LRRC61: variants seen among roughly 807,000 people sequenced by gnomAD.
LRRC61 encodes leucine-rich repeat-containing protein 61.
In LRRC61, 9 loss-of-function variants were observed where a neutral mutation model predicts 15.1. The ratio of observed to expected loss-of-function variants is 0.60; its 90% CI spans 0.36 to 1.04. LRRC61 has a LOEUF of 1.04. LRRC61 is among the 50% of genes least tolerant of loss of function. The probability of loss-of-function intolerance (pLI) is 0.01; values close to 1 mark genes in which losing one functional copy is unlikely to be tolerated. For missense variants in LRRC61, 344 were observed against 335.6 expected (o/e 1.03, Z -0.20); for synonymous variants, 173 against 158.6 (o/e 1.09, Z -0.68).
chr7:150,323,609 G>A (rs1797801763), intron 1 of LRRC61, 49 bp downstream of exon 1: 1 of 453,388 alleles, frequency 2.2e-6, no homozygotes, highest in Non-Finnish European at 4.4e-6. Flanking sequence ...GCGGCTGTCG[G>A]GGCCCGTGCC....
intron 1 of LRRC61, among the ~76,000 whole-genome samples, chr7:150,324,890 C>T (rs1028891105): frequency 4.6e-5 from 7 of 152,278 alleles, no homozygotes; most frequent in African/African-American, 1.7e-4. Flanking sequence ...CCTTTGACCC[C>T]GCTGACCACT....
At chr7:150,319,472 G>T (rs1324068872), upstream of LRRC61, among the ~76,000 whole-genome samples, 1 of 152,200 alleles carries the variant, frequency 6.6e-6, no homozygotes, top group East Asian at 1.9e-4. Flanking sequence ...CTCCCAAAGT[G>T]CTGGGATTAT....
At chr7:150,323,985 A>G (rs2129618023) in intron 1 of LRRC61, among the ~76,000 whole-genome samples, 1 of 152,336 alleles carries the variant, frequency 6.6e-6, no homozygotes, top group African/African-American at 2.4e-5. Flanking sequence ...TTTTTTGCAC[A>G]GTATGAAACC....
rs1453396345 is a variant in LRRC61, at chr7:150,330,858, C to A, written c.-145+4848C>A. On this transcript the variant is annotated intron_variant, in intron 2 of 2. Coordinates refer to ENST00000359623, the MANE Select transcript of LRRC61 (RefSeq NM_001142928.2). This position sits in a 1 kb window ranked among gnomAD's most constrained non-coding sequence, Gnocchi z 4.6. ...GGGGAGAAGCCAGGGGGAGCCTCTGCAGAGCAGCAGCCACTCTGGGGCCTT... is the reference window on the plus strand; with the variant it reads ...GGGGAGAAGCCAGGGGGAGCCTCTGAAGAGCAGCAGCCACTCTGGGGCCTT... 6.2e-7 allele frequency: 1 copy of A among 1,608,928 alleles called. No individual in the cohort carries two copies. The highest frequency in any genetic ancestry group is 1.1e-5 in the South Asian group (1 of 90,958).
the LRRC61 span, among the ~76,000 whole-genome samples, chr7:150,315,075 A>C: frequency 2.7e-4 from 40 of 147,150 alleles, no homozygotes; most frequent in African/African-American, 9.6e-4. Context: ...TAAATAAGAA[A>C]ATATTTATTA....
chr7:150,325,345 A>G (rs1476597143), intron 1 of LRRC61, among the ~76,000 whole-genome samples: 6 of 152,288 alleles, frequency 3.9e-5, no homozygotes, highest in African/African-American at 1.2e-4. Context: ...TGCTGCCCAC[A>G]TGATCGACTA....
chr7:150,314,861 C>T, the LRRC61 span, among the ~76,000 whole-genome samples: 6 of 149,678 alleles, frequency 4.0e-5, no homozygotes, highest in South Asian at 2.1e-4. Context: ...CGGAGGCGAG[C>T]GGCTCACTTG....
At chr7:150,318,873 A>T (rs1797203375), upstream of LRRC61, among the ~76,000 whole-genome samples, 1 of 152,208 alleles carries the variant, frequency 6.6e-6, no homozygotes, top group South Asian at 2.1e-4. Flanking sequence ...AAACCATGTG[A>T]TTCTCATGCA....
At chr7:150,329,478 C>G (rs11765692) in intron 2 of LRRC61, among the ~76,000 whole-genome samples, 1 of 151,942 alleles carries the variant, frequency 6.6e-6, no homozygotes, top group Non-Finnish European at 1.5e-5. Flanking sequence ...AGGTCTGCAG[C>G]GGTCCCCCAG....
Position 150,337,733 on chromosome 7 carries a change from T to A in LRRC61, c.*92T>A. 1 of 1,327,458 alleles carries A rather than the reference T, an allele frequency of 7.5e-7. No individual in the cohort carries two copies. The highest frequency in any genetic ancestry group is 2.5e-5 in the East Asian group (1 of 40,226). 82.2% of individuals were successfully genotyped at this position (1,327,458 alleles called of 1,614,324 possible). A position where few individuals can be genotyped will look rare whatever the true frequency, so the allele number is the denominator to read the frequency against. On this transcript the variant is annotated 3_prime_UTR_variant, in exon 3 of 3. Transcript: ENST00000359623. ...CACACTCGTCTTAGTTGCTTCACAC[T>A]GGTCACTGGCCCTGCACACTGGGCT...
rs201577501 is a variant in LRRC61 at position 150,338,007 on chromosome 7, CTGAG to C, written c.*369_*372del. On this transcript the variant is annotated 3_prime_UTR_variant, in exon 3 of 3. Transcript: ENST00000359623. ...CAGCTGTTGGGAGACAGTAGGCAGG[CTGAG>C]TGGCCCAGAGCACTCCTGGAAGTGG... 3.7e-3 allele frequency: 1,509 copies of C among 410,572 alleles called. 16 individuals are homozygous for C. The highest frequency in any genetic ancestry group is 0.029 in the African/African-American group (1,386 of 48,486). 25.4% of individuals were successfully genotyped at this position (410,572 alleles called of 1,614,324 possible).
the LRRC61 span, among the ~76,000 whole-genome samples, chr7:150,315,976 T>A: frequency 6.6e-6 from 1 of 152,218 alleles, no homozygotes; most frequent in Non-Finnish European, 1.5e-5. Flanking sequence ...GGCGGGTGGA[T>A]CACCTGAGGT....
At chr7:150,332,675 G>A (rs1263030698) in intron 2 of LRRC61, 2 of 166,848 alleles carry the variant, frequency 1.2e-5, no homozygotes, top group Non-Finnish European at 1.5e-5. Context: ...TTTCATTTTC[G>A]CAGTATAATA....
At chr7:150,319,796 T>C (rs187886064), upstream of LRRC61, among the ~76,000 whole-genome samples, 32 of 152,334 alleles carry the variant, frequency 2.1e-4, no homozygotes, top group African/African-American at 6.3e-4. Flanking sequence ...CTTCCCACTT[T>C]CTGTCACCCC....
chr7:150,316,483 A>G, the LRRC61 span, among the ~76,000 whole-genome samples: 4 of 80,528 alleles, frequency 5.0e-5, no homozygotes, highest in Admixed American at 2.7e-4. Context: ...GAATCTGGTT[A>G]TTTTTTTTTT....
In LRRC61 at chr7:150,336,859, CT is replaced by C. The variant is rs772457114; in HGVS notation, c.-2del. 6.2e-7 allele frequency: 1 copy of C among 1,606,534 alleles called. No homozygotes were observed. The highest frequency in any genetic ancestry group is 8.5e-7 in the Non-Finnish European group (1 of 1,175,882). ...CCAGGCCATCCCAACCGACTTCCAT[CT>C]CATGGACCCTCCAGCGGAGAAGCCG... On this transcript the variant is annotated 5_prime_UTR_variant, in exon 3 of 3. Coordinates refer to ENST00000359623, the MANE Select transcript of LRRC61 (RefSeq NM_001142928.2).
chr7:150,327,862 C>G (rs1797995506), intron 2 of LRRC61, among the ~76,000 whole-genome samples: 1 of 151,766 alleles, frequency 6.6e-6, no homozygotes, highest in African/African-American at 2.4e-5. Flanking sequence ...GTAAAAGTTC[C>G]TAAGTGACTT....
rs758629651 is a variant in LRRC61, at chr7:150,337,676, GCCTCGCTGCCCCCAGTTCC to G, written c.*40_*58del. On this transcript the variant is annotated 3_prime_UTR_variant, in exon 3 of 3. Coordinates refer to ENST00000359623, the MANE Select transcript of LRRC61 (RefSeq NM_001142928.2). ...ATGGCCCAGGACAGCCTGGCAGGTG[GCCTCGCTGCCCCCAGTTCC>G]CCTCTCTGCCCCCACACTCGTCTTA... 17 of 1,513,846 alleles carry G rather than the reference GCCTCGCTGCCCCCAGTTCC, an allele frequency of 1.1e-5. No individual in the cohort carries two copies. The highest frequency in any genetic ancestry group is 4.6e-5 in the Admixed American group (2 of 43,710). 93.8% of individuals were successfully genotyped at this position (1,513,846 alleles called of 1,614,324 possible).
intron 2 of LRRC61, among the ~76,000 whole-genome samples, chr7:150,334,845 C>T (rs1210658418): frequency 6.6e-6 from 1 of 152,094 alleles, no homozygotes; most frequent in Admixed American, 6.5e-5. Context: ...ATGATGAAAC[C>T]CCGTCTCTAC....
Sources: allele counts gnomAD v4.1 joint callset (sites outside exome capture counted in the v4.1 genomes callset), GRCh38; gene constraint gnomAD v4.1.1; non-coding constraint Gnocchi (gnomAD v3.1); transcripts MANE v1.5; gene names NCBI Gene and HGNC (gene_info 2026-07-23, HGNC 2026-07-21).